Variants in IMMP2L observed in about 807,000 individuals in gnomAD.
The protein encoded by IMMP2L is mitochondrial inner membrane protease subunit 2.
IMMP2L carries 18 observed loss-of-function variants against 19.3 expected under a neutral mutation model. That is an observed-to-expected ratio of 0.93 (90% CI 0.64 to 1.38). The LOEUF (loss-of-function observed/expected upper bound fraction) is 1.38. Among genes scored for constraint, IMMP2L ranks in the 40% most tolerant of loss-of-function variants. The probability of loss-of-function intolerance (pLI) is 0.00; values close to 1 mark genes in which losing one functional copy is unlikely to be tolerated. For missense variants in IMMP2L, 233 were observed against 218.2 expected (o/e 1.07, Z -0.43); for synonymous variants, 76 against 73.0 (o/e 1.04, Z -0.21).
At chr7:111,070,305 C>G (rs1449813257) in intron 3 of IMMP2L, among the ~76,000 whole-genome samples, 1 of 152,184 alleles carries the variant, frequency 6.6e-6, no homozygotes, top group Non-Finnish European at 1.5e-5. Context: ...GTCTAACATG[C>G]TGCAAAACAT....
At chr7:111,473,877 C>A (rs1197494433) in intron 3 of IMMP2L, among the ~76,000 whole-genome samples, 2 of 152,092 alleles carry the variant, frequency 1.3e-5, no homozygotes, top group Non-Finnish European at 2.9e-5. Flanking sequence ...CTCATATGTT[C>A]ATCACAGCAC....
intron 5 of IMMP2L, among the ~76,000 whole-genome samples, chr7:110,797,574 C>T (rs1203171465): frequency 6.6e-6 from 1 of 151,930 alleles, no homozygotes. Context: ...TTAGACAACA[C>T]GTTTCTGTTG....
At chr7:111,182,113 A>C (rs1807776525) in intron 3 of IMMP2L, among the ~76,000 whole-genome samples, 1 of 152,048 alleles carries the variant, frequency 6.6e-6, no homozygotes, top group African/African-American at 2.4e-5. Context: ...ATTGATACAT[A>C]AAATGAAGAC....
At chr7:110,667,997 T>G (rs944918867) in intron 5 of IMMP2L, among the ~76,000 whole-genome samples, 1 of 152,232 alleles carries the variant, frequency 6.6e-6, no homozygotes, top group Non-Finnish European at 1.5e-5. Context: ...TTTTCCCTTT[T>G]AGACTTATAC....
intron 5 of IMMP2L, 119 bp from the exon 6 acceptor site, chr7:110,663,840 A>AT: frequency 3.3e-6 from 2 of 614,078 alleles, no homozygotes; most frequent in Non-Finnish European, 5.3e-6. Flanking sequence ...GTGATGATGA[A>AT]TAAAAAAAAT....
chr7:110,713,608 C>CT (rs1396274902), intron 5 of IMMP2L, among the ~76,000 whole-genome samples: 1 of 149,066 alleles, frequency 6.7e-6, no homozygotes, highest in Non-Finnish European at 1.5e-5. Flanking sequence ...TATAGTTCTC[C>CT]TTGTAGAGAT....
chr7:111,320,575 T>C (rs1824579121), intron 3 of IMMP2L, among the ~76,000 whole-genome samples: 2 of 152,192 alleles, frequency 1.3e-5, no homozygotes, highest in Admixed American at 1.3e-4. Context: ...TACAAGGCCC[T>C]TGATAATCTG....
chr7:111,205,650 A>G (rs1176768357), intron 3 of IMMP2L, among the ~76,000 whole-genome samples: 1 of 152,158 alleles, frequency 6.6e-6, no homozygotes, highest in African/African-American at 2.4e-5. Flanking sequence ...ATAAAAATTA[A>G]TAATAACAAA....
At chr7:110,968,931 A>G (rs557537660) in intron 3 of IMMP2L, among the ~76,000 whole-genome samples, 2 of 152,238 alleles carry the variant, frequency 1.3e-5, no homozygotes, top group South Asian at 4.1e-4. Context: ...GGCCTAAGAC[A>G]AGAGTTACAA....
intron 3 of IMMP2L, among the ~76,000 whole-genome samples, chr7:111,363,232 A>T (rs1241773324): frequency 6.6e-6 from 1 of 152,088 alleles, no homozygotes; most frequent in African/African-American, 2.4e-5. Context: ...CTTGCTACTC[A>T]AAGTATGGAC....
intron 4 of IMMP2L, among the ~76,000 whole-genome samples, chr7:110,960,259 G>C (rs1371468894): frequency 1.3e-5 from 2 of 151,868 alleles, no homozygotes; most frequent in Non-Finnish European, 2.9e-5. Flanking sequence ...TTTTAGTACA[G>C]TATGTTCACA....
At chr7:111,431,037 A>G (rs1251531663) in intron 3 of IMMP2L, among the ~76,000 whole-genome samples, 2 of 151,722 alleles carry the variant, frequency 1.3e-5, no homozygotes, top group Non-Finnish European at 2.9e-5. Context: ...AACCTAGGAG[A>G]CAGAGATTGC....
intron 4 of IMMP2L, among the ~76,000 whole-genome samples, chr7:110,893,827 G>A (rs1231417460): frequency 6.6e-6 from 1 of 151,838 alleles, no homozygotes; most frequent in Admixed American, 6.6e-5. Flanking sequence ...GTAAAACTGT[G>A]GCCAAATACC....
intron 3 of IMMP2L, among the ~76,000 whole-genome samples, chr7:111,024,118 A>T (rs1826572956): frequency 6.6e-6 from 1 of 152,232 alleles, no homozygotes; most frequent in Non-Finnish European, 1.5e-5. Context: ...GAAATAGAGA[A>T]TGCAGGTTGA....
rs1277200591 is a variant in IMMP2L at position 111,213,548 on chromosome 7, T to C, written c.240-249983A>G. ...TGCAAACCAGAATGGGAACTTGTGGTACCTTCCAGCCCTGCCTATGGCCAC... is the reference window on the plus strand; with the variant it reads ...TGCAAACCAGAATGGGAACTTGTGGCACCTTCCAGCCCTGCCTATGGCCAC... On this transcript the variant is annotated intron_variant, in intron 3 of 5. Coordinates refer to ENST00000405709, the MANE Select transcript of IMMP2L (RefSeq NM_032549.4). The surrounding 1 kb of genome is among the most constrained non-coding windows in gnomAD (Gnocchi z 4.8). Among the ~76,000 whole-genome samples, 1 of 152,126 alleles carries C rather than the reference T, an allele frequency of 6.6e-6. No homozygotes were observed. Among genetic ancestry groups the C allele is most frequent in the Non-Finnish European group, 1.5e-5 (1 of 68,028 alleles).
At chr7:111,105,214 A>G (rs1798412639) in intron 3 of IMMP2L, among the ~76,000 whole-genome samples, 1 of 151,952 alleles carries the variant, frequency 6.6e-6, no homozygotes, top group Admixed American at 6.6e-5. Flanking sequence ...CATGAAATAA[A>G]GAATTCTTAT....
intron 3 of IMMP2L, among the ~76,000 whole-genome samples, chr7:111,335,960 G>A (rs1003331916): frequency 6.6e-6 from 1 of 151,988 alleles, no homozygotes; most frequent in Non-Finnish European, 1.5e-5. Flanking sequence ...GGGTAAGAAC[G>A]TTCTTGTACT....
At chr7:111,271,220 T>C (rs909179793) in intron 3 of IMMP2L, among the ~76,000 whole-genome samples, 1 of 152,066 alleles carries the variant, frequency 6.6e-6, no homozygotes, top group Admixed American at 6.6e-5. Flanking sequence ...TGCTTCCCTT[T>C]CCATCATGAT....
intron 3 of IMMP2L, among the ~76,000 whole-genome samples, chr7:111,161,864 C>A (rs1805298636): frequency 6.6e-6 from 1 of 151,896 alleles, no homozygotes. Context: ...ATTGACAGGA[C>A]AATTTTTAAG....
Sources: allele counts gnomAD v4.1 joint callset (sites outside exome capture counted in the v4.1 genomes callset), GRCh38; gene constraint gnomAD v4.1.1; non-coding constraint Gnocchi (gnomAD v3.1); transcripts MANE v1.5; gene names NCBI Gene and HGNC (gene_info 2026-07-23, HGNC 2026-07-21).